Variants in APOL6 observed in about 807,000 individuals in gnomAD.
The protein encoded by APOL6 is apolipoprotein L6, also known as apolipoprotein L, 6.
Under a neutral mutation model 2.4 loss-of-function variants are expected in APOL6, and 1 was observed. The ratio of observed to expected loss-of-function variants is 0.41; its 90% CI spans 0.15 to 1.94. The LOEUF (loss-of-function observed/expected upper bound fraction) is 1.94, where lower values mean the gene tolerates loss of function less well. Among genes scored for constraint, APOL6 ranks in the 30% most tolerant of loss-of-function variants. APOL6 has a pLI of 0.30. For synonymous variants in APOL6, 189 were observed against 169.3 expected (o/e 1.12, Z -0.90); for missense variants, 438 against 429.2 (o/e 1.02, Z -0.18).
rs1925185424 is a variant in APOL6, at chr22:35,666,440, T to C, written c.*6844T>C. 6.6e-6 allele frequency: 1 copy of C among 152,088 alleles called. No individual in the cohort carries two copies. Among genetic ancestry groups the C allele is most frequent in the Admixed American group, 6.6e-5 (1 of 15,258 alleles). The allele number at this position is 152,088 out of a possible 1,614,324, so 9.4% of individuals were successfully genotyped here. A position where few individuals can be genotyped will look rare whatever the true frequency, so the allele number is the denominator to read the frequency against. ...GGCATACACCACCATGCCCAGCTAA[T>C]TTTTTTGTATTTTCAGTAGAGATGG... On this transcript the variant is annotated 3_prime_UTR_variant, in exon 3 of 3. Transcript: ENST00000409652.
rs1925106083 is a variant in APOL6 at position 35,664,071 on chromosome 22, A to G, written c.*4475A>G. ...TTTATGTAACTTAAGTAAAATCTTT[A>G]ATAAATAAAGTAGCTTTAAAATTAT... On this transcript the variant is annotated 3_prime_UTR_variant, in exon 3 of 3. Coordinates refer to ENST00000409652, the MANE Select transcript of APOL6 (RefSeq NM_030641.4). 6.6e-6 allele frequency: 1 copy of G among 152,118 alleles called. No individual in the cohort carries two copies. Among genetic ancestry groups the G allele is most frequent in the Non-Finnish European group, 1.5e-5 (1 of 68,034 alleles). 9.4% of individuals were successfully genotyped at this position (152,118 alleles called of 1,614,324 possible). A position where few individuals can be genotyped will look rare whatever the true frequency, so the allele number is the denominator to read the frequency against.
In APOL6 at chr22:35,666,983, A is replaced by G. The variant is rs946184623; in HGVS notation, c.*7387A>G. ...TGATACAGTTATTTGCATAAGTGCA[A>G]TAAGAATCTGTTCTAATTTGTAACA... On this transcript the variant is annotated 3_prime_UTR_variant, in exon 3 of 3. Coordinates refer to ENST00000409652, the MANE Select transcript of APOL6 (RefSeq NM_030641.4). 2.6e-5 allele frequency: 4 copies of G among 152,260 alleles called. 1 individual carries two copies. The highest frequency in any genetic ancestry group is 2.6e-4 in the Admixed American group (4 of 15,286). The allele number at this position is 152,260 out of a possible 1,614,324, so 9.4% of individuals were successfully genotyped here. A position where few individuals can be genotyped will look rare whatever the true frequency, so the allele number is the denominator to read the frequency against.
At position 35,658,778 on chromosome 22, in the gene APOL6, A is replaced by G; in HGVS notation, c.214A>G (p.Lys72Glu). Reference protein sequence around the residue: ...ALADDIDKTHKKFTKANMVAT... With the variant: ...ALADDIDKTHEKFTKANMVAT... ...CGCAGACGATATTGACAAAACCCAC[A>G]AGAAATTCACCAAGGCTAACATGGT... Residue 72 changes from lysine (K) to glutamate (E), a missense_variant, in exon 3 of 3, where the codon AAG becomes GAG. Lys to Glu is a moderately conservative substitution (Grantham distance 56). Coordinates refer to ENST00000409652, the MANE Select transcript of APOL6 (RefSeq NM_030641.4). 6.2e-7 allele frequency: 1 copy of G among 1,614,174 alleles called. No individual in the cohort carries two copies. Among genetic ancestry groups the G allele is most frequent in the African/African-American group, 1.3e-5 (1 of 75,044 alleles).
At chr22:35,649,840 CCCTGGTT>C (rs1365355882) in intron 1 of APOL6, among the ~76,000 whole-genome samples, 6 of 152,322 alleles carry the variant, frequency 3.9e-5, no homozygotes, top group Non-Finnish European at 1.5e-5. Flanking sequence ...ACCAGGTGAT[CCCTGGTT>C]GTGGGGGCTG....
Position 35,659,349 on chromosome 22 carries a change from G to A in APOL6, c.785G>A (p.Gly262Glu). 6 of 1,614,074 alleles carry A rather than the reference G, an allele frequency of 3.7e-6. No homozygotes were observed. Among genetic ancestry groups the A allele is most frequent in the Non-Finnish European group, 4.2e-6 (5 of 1,179,962 alleles). ...AAGGAATGGAAGCACCTGAAGGAAG[G>A]AGCAAGGACAAAGTTTGCGGAAGAG... Reference protein sequence around the residue: ...LSKEWKHLKEGARTKFAEELR... With the variant: ...LSKEWKHLKEEARTKFAEELR... Residue 262 changes from glycine (G) to glutamate (E), a missense_variant, in exon 3 of 3, where the codon GGA becomes GAA. Gly to Glu is a moderately conservative substitution (Grantham distance 98). Transcript: ENST00000409652.
chr22:35,654,278 C>G (rs142855748), intron 1 of APOL6, among the ~76,000 whole-genome samples: 2 of 152,072 alleles, frequency 1.3e-5, no homozygotes, highest in Non-Finnish European at 2.9e-5. Context: ...CCGTCTCTCT[C>G]CTCTCCTGGA....
chr22:35,657,576 A>G (rs908035650), intron 2 of APOL6, among the ~76,000 whole-genome samples: 2 of 152,266 alleles, frequency 1.3e-5, no homozygotes, highest in Middle Eastern at 6.8e-3. Flanking sequence ...CAAGTTTAGG[A>G]CTCAGAGCCC....
rs1364628823 is a variant in APOL6, at chr22:35,666,762, C to T, written c.*7166C>T. The T allele has an allele frequency of 6.6e-6, 1 of 152,058 alleles. No homozygotes were observed. The highest frequency in any genetic ancestry group is 2.4e-5 in the African/African-American group (1 of 41,406). 9.4% of individuals were successfully genotyped at this position (152,058 alleles called of 1,614,324 possible). A position where few individuals can be genotyped will look rare whatever the true frequency, so the allele number is the denominator to read the frequency against. ...CAGGAATTAACTGCATAGACTGAACCAATCTTTTTGACTTTTTGCTTAAAA... is the reference window on the plus strand; with the variant it reads ...CAGGAATTAACTGCATAGACTGAACTAATCTTTTTGACTTTTTGCTTAAAA... On this transcript the variant is annotated 3_prime_UTR_variant, in exon 3 of 3. Coordinates refer to ENST00000409652, the MANE Select transcript of APOL6 (RefSeq NM_030641.4).
In APOL6 at chr22:35,667,287, G is replaced by C. The variant is rs1178705923; in HGVS notation, c.*7691G>C. On this transcript the variant is annotated 3_prime_UTR_variant, in exon 3 of 3. Coordinates refer to ENST00000409652, the MANE Select transcript of APOL6 (RefSeq NM_030641.4). ...TTTGATGGCACAAATCCATGGCTGGGCATGGCTTTAAGAAAGTCTTATCTG... is the reference window on the plus strand; with the variant it reads ...TTTGATGGCACAAATCCATGGCTGGCCATGGCTTTAAGAAAGTCTTATCTG... 1 of 152,184 alleles carries C rather than the reference G, an allele frequency of 6.6e-6. No homozygotes were observed. The highest frequency in any genetic ancestry group is 1.5e-5 in the Non-Finnish European group (1 of 68,036). The allele number at this position is 152,184 out of a possible 1,614,324, so 9.4% of individuals were successfully genotyped here.
Position 35,659,833 on chromosome 22 carries a change from T to A in APOL6, c.*237T>A. 1.7e-6 allele frequency: 1 copy of A among 593,036 alleles called. No homozygotes were observed. The highest frequency in any genetic ancestry group is 2.8e-6 in the Non-Finnish European group (1 of 360,918). 36.7% of individuals were successfully genotyped at this position (593,036 alleles called of 1,614,324 possible). ...CAGGCTGGAGTGCAGTGGCGTAATC[T>A]CGGCTCACTGCAACCTCTGCCTCCT... is the stretch of plus-strand genomic sequence containing the variant. On this transcript the variant is annotated 3_prime_UTR_variant, in exon 3 of 3. Coordinates refer to ENST00000409652, the MANE Select transcript of APOL6 (RefSeq NM_030641.4).
Position 35,656,372 on chromosome 22 carries a change from T to C in APOL6, c.-47-7T>C, listed in dbSNP as rs1397508455. ...CAGTAACGTTGTTTTTCTACATTCC[T>C]GACCAGAAAATCATTTGACTCCTGG... On this transcript the variant is annotated splice_polypyrimidine_tract_variant and splice_region_variant and intron_variant, in intron 1 of 2. Transcript: ENST00000409652. 1.2e-6 allele frequency: 2 copies of C among 1,608,596 alleles called. No individual in the cohort carries two copies. Among genetic ancestry groups the C allele is most frequent in the African/African-American group, 1.3e-5 (1 of 74,800 alleles).
At position 35,659,611 on chromosome 22, in the gene APOL6, A is replaced by G. The variant is rs1924965053; in HGVS notation, c.*15A>G. 2 of 1,570,948 alleles carry G rather than the reference A, an allele frequency of 1.3e-6. No homozygotes were observed. The highest frequency in any genetic ancestry group is 3.7e-5 in the Admixed American group (2 of 54,450). ...AGTTTACATGAATGTTCCTCAGGACATGGCATACAATGGCCTTGGAGGTCC... is the reference window on the plus strand; with the variant it reads ...AGTTTACATGAATGTTCCTCAGGACGTGGCATACAATGGCCTTGGAGGTCC... On this transcript the variant is annotated 3_prime_UTR_variant, in exon 3 of 3. Transcript: ENST00000409652.
rs1033169950 is a variant in APOL6 at position 35,665,961 on chromosome 22, A to G, written c.*6365A>G. ...ATCTTAGTTTCCCTAAAGTCCTAAA[A>G]TGACATAATTTGGCTTATTTGGTAT... On this transcript the variant is annotated 3_prime_UTR_variant, in exon 3 of 3. Coordinates refer to ENST00000409652, the MANE Select transcript of APOL6 (RefSeq NM_030641.4). The G allele has an allele frequency of 3.3e-5, 5 of 152,224 alleles. No individual in the cohort carries two copies. The highest frequency in any genetic ancestry group is 7.3e-5 in the Non-Finnish European group (5 of 68,038). The allele number at this position is 152,224 out of a possible 1,614,324, so 9.4% of individuals were successfully genotyped here.
Position 35,659,197 on chromosome 22 carries a change from C to T in APOL6, c.633C>T (p.Ser211=). Residue 211 remains serine (S), a synonymous_variant, in exon 3 of 3, where the codon TCC becomes TCT. Transcript: ENST00000409652. ...TKRLLTTGQV[S]SRSRVQVQKA... is the part of the protein sequence containing the mutation. ...GTCTTCTGACCACTGGCCAAGTCTC[C>T]TCCCGGAGCCGCGTGCAGGTGCAAA... 6.2e-7 allele frequency: 1 copy of T among 1,614,222 alleles called. No individual in the cohort carries two copies. Among genetic ancestry groups the T allele is most frequent in the Non-Finnish European group, 8.5e-7 (1 of 1,180,044 alleles).
chr22:35,667,304 T>A lies in APOL6; in HGVS notation c.*7708T>A, dbSNP rs369625369. On this transcript the variant is annotated 3_prime_UTR_variant, in exon 3 of 3. Coordinates refer to ENST00000409652, the MANE Select transcript of APOL6 (RefSeq NM_030641.4). ...ATGGCTGGGCATGGCTTTAAGAAAG[T>A]CTTATCTGAGATTCCTCCTGTGGAA... 6.6e-6 allele frequency: 1 copy of A among 152,300 alleles called. No individual in the cohort carries two copies. Among genetic ancestry groups the A allele is most frequent in the East Asian group, 1.9e-4 (1 of 5,188 alleles). The allele number at this position is 152,300 out of a possible 1,614,324, so 9.4% of individuals were successfully genotyped here.
At position 35,658,861 on chromosome 22, in the gene APOL6, C is replaced by T. The variant is rs999088889; in HGVS notation, c.297C>T (p.Ala99=). Residue 99 remains alanine (A), a synonymous_variant, in exon 3 of 3, where the codon GCC becomes GCT. Transcript: ENST00000409652. ...TGAGCCTCCTGGGTTTAGCCCTTGC[C>T]CCAGCAACAGGAGGAGGAAGCCTGC... ...GVMSLLGLAL[A]PATGGGSLLL... The T allele has an allele frequency of 6.2e-7, 1 of 1,614,114 alleles. No individual in the cohort carries two copies. The highest frequency in any genetic ancestry group is 8.5e-7 in the Non-Finnish European group (1 of 1,180,036).
In APOL6 at chr22:35,659,456, T is replaced by C. The variant is rs1366380930; in HGVS notation, c.892T>C (p.Ser298Pro). 26 of 1,613,242 alleles carry C rather than the reference T, an allele frequency of 1.6e-5. No individual in the cohort carries two copies. Among genetic ancestry groups the C allele is most frequent in the Middle Eastern group, 3.3e-4 (2 of 6,084 alleles). The change falls in exon 3 of 3, where the codon TCA (serine) becomes CCA (proline). Residue 298 changes from serine (S) to proline (P), a missense_variant. Transcript: ENST00000409652. ...CAAGAGCTTGCAGCAGAAAGTGAGG[T>C]CAAGGGCCAGAGGGGTGGGGAAGGA... is the stretch of plus-strand genomic sequence containing the variant. ...LYKSLQQKVRSRARGVGKDLT... is the reference protein window; with the variant it reads ...LYKSLQQKVRPRARGVGKDLT...
At position 35,662,061 on chromosome 22, in the gene APOL6, G is replaced by A. The variant is rs767852303; in HGVS notation, c.*2465G>A. ...CAATATGAGTTAATCTTCTCTGATC[G>A]ATGTAGATTCCAGGAAGGGGTGTCC... is the stretch of plus-strand genomic sequence containing the variant. On this transcript the variant is annotated 3_prime_UTR_variant, in exon 3 of 3. Coordinates refer to ENST00000409652, the MANE Select transcript of APOL6 (RefSeq NM_030641.4). 3.9e-5 allele frequency: 6 copies of A among 152,096 alleles called. No individual in the cohort carries two copies. Among genetic ancestry groups the A allele is most frequent in the African/African-American group, 7.2e-5 (3 of 41,410 alleles). The allele number at this position is 152,096 out of a possible 1,614,324, so 9.4% of individuals were successfully genotyped here. A position where few individuals can be genotyped will look rare whatever the true frequency, so the allele number is the denominator to read the frequency against.
chr22:35,656,092 A>G (rs1017259408), intron 1 of APOL6, among the ~76,000 whole-genome samples: 1 of 152,156 alleles, frequency 6.6e-6, no homozygotes, highest in African/African-American at 2.4e-5. Context: ...TCTCAATTAC[A>G]TTTGGCTCAA....
Sources: gnomAD v4.1 joint callset for allele counts (sites outside exome capture counted in the v4.1 genomes callset) on GRCh38, gnomAD v4.1.1 for gene constraint, MANE v1.5 for transcripts, NCBI Gene and HGNC (gene_info 2026-07-23, HGNC 2026-07-21) for gene names.